Variants in EPB41 observed in about 807,000 individuals in gnomAD.
The protein encoded by EPB41 is protein 4.1.
EPB41 carries 65 observed loss-of-function variants against 108.0 expected under a neutral mutation model. The ratio of observed to expected loss-of-function variants is 0.60; its 90% CI spans 0.49 to 0.74. The LOEUF is 0.74. EPB41 is among the 30% of genes least tolerant of loss of function. The pLI is 0.00. For missense variants in EPB41, 875 were observed against 1,037.0 expected (o/e 0.84, Z 2.15); for synonymous variants, 336 against 358.9 (o/e 0.94, Z 0.72).
chr1:28,969,271 G>C (rs1412397108), intron 1 of EPB41, among the ~76,000 whole-genome samples: 1 of 151,544 alleles, frequency 6.6e-6, no homozygotes, highest in Non-Finnish European at 1.5e-5. Context: ...TTTTAATAGA[G>C]ACAGGGTCTC....
At chr1:28,952,269 T>A (rs2094762456) in intron 1 of EPB41, among the ~76,000 whole-genome samples, 1 of 152,060 alleles carries the variant, frequency 6.6e-6, no homozygotes. Flanking sequence ...GGCTCACGCC[T>A]GTAATCCCAG....
intron 1 of EPB41, among the ~76,000 whole-genome samples, chr1:28,977,403 T>C (rs925255565): frequency 6.6e-6 from 1 of 151,868 alleles, no homozygotes; most frequent in Non-Finnish European, 1.5e-5. Context: ...TCTTTTTTTT[T>C]TTTTTTTTAA....
chr1:28,921,150 A>C (rs1014399492), intron 1 of EPB41, among the ~76,000 whole-genome samples: 1 of 152,192 alleles, frequency 6.6e-6, no homozygotes, highest in East Asian at 1.9e-4. Flanking sequence ...TGATTTATGA[A>C]TACATAGTAT....
chr1:29,005,817 A>G (rs1284123763), intron 4 of EPB41, among the ~76,000 whole-genome samples: 2 of 152,224 alleles, frequency 1.3e-5, no homozygotes, highest in Admixed American at 1.3e-4. Flanking sequence ...GGAGACGGGT[A>G]ATACTTTAGC....
At chr1:28,981,045 T>C (rs1345980944) in intron 1 of EPB41, among the ~76,000 whole-genome samples, 1 of 152,184 alleles carries the variant, frequency 6.6e-6, no homozygotes, top group African/African-American at 2.4e-5. Context: ...AGTGCTTGGA[T>C]TACAGGCGTG....
chr1:29,046,707 A>C (rs1304163160), intron 11 of EPB41, among the ~76,000 whole-genome samples: 1 of 152,158 alleles, frequency 6.6e-6, no homozygotes, highest in Admixed American at 6.5e-5. Context: ...GGAAGTTGTC[A>C]TTCTAGTTTC....
chr1:29,001,781 C>T lies in EPB41; in HGVS notation c.786+4462C>T, dbSNP rs114278536. ...CTCCCTCCTCCTTTACACAATCAAG[C>T]GAGTATGATCTTTTCTTTTTTCTTG... On this transcript the variant is annotated intron_variant, in intron 4 of 20. Coordinates refer to ENST00000343067, the MANE Select transcript of EPB41 (RefSeq NM_001376013.1). Among the ~76,000 whole-genome samples the T allele has an allele frequency of 8.5e-3, 1,298 of 152,222 alleles. 11 individuals are homozygous for T. Among genetic ancestry groups the T allele is most frequent in the Middle Eastern group, 0.078 (23 of 294 alleles).
intron 1 of EPB41, among the ~76,000 whole-genome samples, chr1:28,952,224 C>G (rs1325069659): frequency 7.0e-6 from 1 of 143,088 alleles, no homozygotes; most frequent in East Asian, 2.0e-4. Context: ...TTTTTTCTGT[C>G]AGTTATCAAA....
At chr1:28,932,963 A>AT (rs2093824415) in intron 1 of EPB41, among the ~76,000 whole-genome samples, 1 of 152,188 alleles carries the variant, frequency 6.6e-6, no homozygotes, top group South Asian at 2.1e-4. Flanking sequence ...ATTTTGTTAG[A>AT]TTTTTAAATA....
rs537475055 is a variant in EPB41 at position 28,922,438 on chromosome 1, ATT to A, written c.-8+7671_-8+7672del. 3.7e-3 allele frequency among the ~76,000 whole-genome samples: 566 copies of A among 151,402 alleles called. 6 individuals carry two copies. The highest frequency in any genetic ancestry group is 0.013 in the African/African-American group (527 of 41,240). On this transcript the variant is annotated intron_variant, in intron 1 of 20. Transcript: ENST00000343067. ...AAGATATCTTCTTCTCTGAAGATTT[ATT>A]GTTATCTTTTTATCCTCTGTCTCAT...
At chr1:29,079,956 A>G (rs1035393367) in intron 16 of EPB41, among the ~76,000 whole-genome samples, 1 of 151,986 alleles carries the variant, frequency 6.6e-6, no homozygotes, top group African/African-American at 2.4e-5. Flanking sequence ...AGATTGTGCC[A>G]TTGCACTCCA....
At chr1:28,939,722 C>G (rs917061045) in intron 1 of EPB41, among the ~76,000 whole-genome samples, 1 of 152,162 alleles carries the variant, frequency 6.6e-6, no homozygotes, top group Non-Finnish European at 1.5e-5. Context: ...GGATTACAGG[C>G]GTGAGCCATC....
intron 17 of EPB41, among the ~76,000 whole-genome samples, chr1:29,103,530 A>G (rs1432889953): frequency 8.5e-5 from 13 of 152,212 alleles, no homozygotes; most frequent in Admixed American, 7.2e-4. Context: ...AATAAGCACA[A>G]TGTTTGCCTG....
chr1:29,052,495 T>A (rs1160584029), intron 11 of EPB41, among the ~76,000 whole-genome samples: 1 of 152,246 alleles, frequency 6.6e-6, no homozygotes, highest in Non-Finnish European at 1.5e-5. Flanking sequence ...GAATTTGTGT[T>A]ATTTTAATCA....
rs184460645 is a variant in EPB41 at position 28,995,285 on chromosome 1, C to T, written c.681+1743C>T. 1.9e-3 allele frequency among the ~76,000 whole-genome samples: 296 copies of T among 152,104 alleles called. 1 individual carries two copies. Among genetic ancestry groups the T allele is most frequent in the African/African-American group, 6.7e-3 (280 of 41,514 alleles). On this transcript the variant is annotated intron_variant, in intron 3 of 20. Transcript: ENST00000343067. ...CATAGAATTCAGAATATTTTGAGGC[C>T]GGGCACGGTGGCTCATGCCTGTAAT... is the stretch of plus-strand genomic sequence containing the variant.
intron 1 of EPB41, among the ~76,000 whole-genome samples, chr1:28,925,769 A>C (rs534293513): frequency 4.1e-4 from 63 of 152,324 alleles, no homozygotes; most frequent in African/African-American, 1.3e-3. Flanking sequence ...CATAGGTAGG[A>C]GAAGGAGCAA....
chr1:28,892,214 G>A (rs973667821), intron 1 of EPB41, among the ~76,000 whole-genome samples: 1 of 151,832 alleles, frequency 6.6e-6, no homozygotes, highest in Non-Finnish European at 1.5e-5. Context: ...ACTTTGTCAG[G>A]TAGGTGGTAC....
At chr1:29,086,248 A>G (rs1325611542) in intron 16 of EPB41, among the ~76,000 whole-genome samples, 1 of 151,444 alleles carries the variant, frequency 6.6e-6, no homozygotes, top group Non-Finnish European at 1.5e-5. Context: ...TTAATATTTT[A>G]GTACACCTTA....
intron 4 of EPB41, 60 bp downstream of exon 4, chr1:28,997,379 G>A (rs1429072359): frequency 9.8e-7 from 1 of 1,021,970 alleles, no homozygotes; most frequent in African/African-American, 1.6e-5. Flanking sequence ...TTCTTTTGTT[G>A]TTAAGAATGT....
Sources: allele counts gnomAD v4.1 joint callset (sites outside exome capture counted in the v4.1 genomes callset), GRCh38; gene constraint gnomAD v4.1.1; transcripts MANE v1.5; gene names NCBI Gene and HGNC (gene_info 2026-07-23, HGNC 2026-07-21).